The following RBFOX1 variants were observed in gnomAD, a reference collection of about 807,000 sequenced individuals.
RBFOX1 encodes RNA binding protein fox-1 homolog 1.
In RBFOX1, 8 loss-of-function variants were observed where a neutral mutation model predicts 57.7. The observed-to-expected ratio is 0.14, with a 90% CI of 0.08 to 0.25. RBFOX1 has a LOEUF of 0.25. RBFOX1 is among the 10% of genes least tolerant of loss of function. The pLI is 1.00. For missense variants in RBFOX1, 611 were observed against 548.5 expected, an observed-to-expected ratio of 1.11 and a Z score of -1.14; for synonymous variants, 326 against 222.4, an observed-to-expected ratio of 1.47 and a Z score of -4.15.
At chr16:7,432,499 G>C (rs145200438) in intron 4 of RBFOX1, among the ~76,000 whole-genome samples, 31 of 152,254 alleles carry the variant, frequency 2.0e-4, no homozygotes, top group Non-Finnish European at 4.1e-4. Context: ...AGGATTTCTT[G>C]TCTTAACAAC....
intron 2 of RBFOX1, among the ~76,000 whole-genome samples, chr16:6,512,687 A>C (rs557586962): frequency 6.6e-6 from 1 of 152,266 alleles, no homozygotes; most frequent in South Asian, 2.1e-4. Context: ...CCCACATGCT[A>C]TGAGGACCCT....
At chr16:6,497,138 A>G (rs1051946167) in intron 2 of RBFOX1, among the ~76,000 whole-genome samples, 2 of 152,186 alleles carry the variant, frequency 1.3e-5, no homozygotes, top group Non-Finnish European at 2.9e-5. Context: ...ACCAAATATT[A>G]CATTGCTAAC....
At chr16:5,543,346 C>G (rs901026713) in intron 2 of RBFOX1, among the ~76,000 whole-genome samples, 1 of 152,000 alleles carries the variant, frequency 6.6e-6, no homozygotes, top group African/African-American at 2.4e-5. Flanking sequence ...AAAAAAGACC[C>G]AAATCAAAAC....
chr16:7,669,336 A>G (rs146271687), intron 13 of RBFOX1, among the ~76,000 whole-genome samples: 45 of 152,350 alleles, frequency 3.0e-4, no homozygotes, highest in Non-Finnish European at 5.3e-4. Flanking sequence ...TGATCAAAAG[A>G]TAACTATTAA....
At chr16:5,606,822 G>T (rs1457619047) in intron 3 of RBFOX1, among the ~76,000 whole-genome samples, 1 of 152,196 alleles carries the variant, frequency 6.6e-6, no homozygotes, top group Non-Finnish European at 1.5e-5. Flanking sequence ...GCTCCAGGTA[G>T]AAGGAACAGA....
intron 2 of RBFOX1, among the ~76,000 whole-genome samples, chr16:6,468,917 A>G (rs749275680): frequency 2.0e-5 from 3 of 151,908 alleles, no homozygotes; most frequent in Non-Finnish European, 4.4e-5. Flanking sequence ...CCCACTAGTT[A>G]TTTTTCTTCA....
chr16:7,201,507 G>A (rs184304157), intron 4 of RBFOX1, among the ~76,000 whole-genome samples: 1 of 151,448 alleles, frequency 6.6e-6, no homozygotes, highest in African/African-American at 2.4e-5. Context: ...TGTCGCCCAG[G>A]CTGGAGTGCA....
At chr16:6,903,893 C>T (rs545371020) in intron 3 of RBFOX1, among the ~76,000 whole-genome samples, 1 of 152,192 alleles carries the variant, frequency 6.6e-6, no homozygotes, top group South Asian at 2.1e-4. Context: ...CAAACAGCTT[C>T]TAGATCAAGC....
intron 3 of RBFOX1, among the ~76,000 whole-genome samples, chr16:5,656,177 A>G (rs1391735946): frequency 6.6e-6 from 1 of 152,150 alleles, no homozygotes; most frequent in Non-Finnish European, 1.5e-5. Flanking sequence ...TCTTAGGTGC[A>G]TGTGTGTAGG....
At chr16:7,529,006 C>G (rs1001568886) in intron 5 of RBFOX1, among the ~76,000 whole-genome samples, 1 of 152,194 alleles carries the variant, frequency 6.6e-6, no homozygotes, top group Non-Finnish European at 1.5e-5. Flanking sequence ...CATCTGTAAT[C>G]CCAGCACTTT....
chr16:6,949,006 C>G (rs1193048088), intron 3 of RBFOX1, among the ~76,000 whole-genome samples: 4 of 152,044 alleles, frequency 2.6e-5, no homozygotes, highest in South Asian at 2.1e-4. Flanking sequence ...GGAAGGGATT[C>G]TCGATTAAGA....
intron 3 of RBFOX1, among the ~76,000 whole-genome samples, chr16:5,858,467 G>C (rs1467677657): frequency 6.6e-6 from 1 of 152,126 alleles, no homozygotes; most frequent in African/African-American, 2.4e-5. Flanking sequence ...AGATTTGCCA[G>C]GCCCTCCCTG....
intron 3 of RBFOX1, among the ~76,000 whole-genome samples, chr16:6,891,805 T>C (rs569231903): frequency 3.9e-5 from 6 of 152,264 alleles, no homozygotes; most frequent in African/African-American, 9.6e-5. Flanking sequence ...AGAGCAAAGG[T>C]TGAGCCAGCC....
chr16:7,632,412 C>T (rs1007143092), intron 11 of RBFOX1, among the ~76,000 whole-genome samples: 1 of 152,146 alleles, frequency 6.6e-6, no homozygotes, highest in African/African-American at 2.4e-5. Flanking sequence ...TACACATTTT[C>T]ACATGTCCAG....
At chr16:6,790,299 C>G (rs570636026) in intron 3 of RBFOX1, among the ~76,000 whole-genome samples, 3 of 151,812 alleles carry the variant, frequency 2.0e-5, no homozygotes, top group South Asian at 2.1e-4. Context: ...ATTCTCCTGC[C>G]TCAGCTTACC....
chr16:5,357,988 C>T (rs2065440045), intron 1 of RBFOX1, among the ~76,000 whole-genome samples: 1 of 152,192 alleles, frequency 6.6e-6, no homozygotes, highest in Non-Finnish European at 1.5e-5. Flanking sequence ...GCTGCTGTAG[C>T]AAAGTACCTC....
At chr16:7,401,568 A>G (rs1164874477) in intron 4 of RBFOX1, among the ~76,000 whole-genome samples, 1 of 152,230 alleles carries the variant, frequency 6.6e-6, no homozygotes, top group Non-Finnish European at 1.5e-5. Flanking sequence ...TGGGCAGAAG[A>G]AATTTTTCCC....
intron 3 of RBFOX1, among the ~76,000 whole-genome samples, chr16:5,608,496 C>T (rs570911765): frequency 1.3e-5 from 2 of 152,316 alleles, no homozygotes; most frequent in East Asian, 3.9e-4. Flanking sequence ...GAAGCCTGGG[C>T]CAGTGGCTTG....
In RBFOX1 at chr16:6,467,062, TTTTA is replaced by T. The variant is rs1567341478; in HGVS notation, c.-64+150010_-64+150013del. Among the ~76,000 whole-genome samples, 5 of 151,066 alleles carry T rather than the reference TTTTA, an allele frequency of 3.3e-5. No homozygotes were observed. The South Asian group carries it at 8.3e-4, about 25-fold the overall frequency. The stretch of plus-strand genomic sequence containing the variant: ...ATTACGTGTAATGTAACATATGGGA[TTTTA>T]TTTAATATACTAACCATTTAATGTA... On this transcript the variant is annotated intron_variant, in intron 2 of 15. Coordinates refer to ENST00000550418, the MANE Select transcript of RBFOX1 (RefSeq NM_018723.4).
Sources: allele counts gnomAD v4.1 joint callset (sites outside exome capture counted in the v4.1 genomes callset), GRCh38; gene constraint gnomAD v4.1.1; transcripts MANE v1.5; gene names NCBI Gene and HGNC (gene_info 2026-07-23, HGNC 2026-07-21).